MESD: variants seen among roughly 807,000 people sequenced by gnomAD.
MESD encodes the protein LRP chaperone MESD.
MESD carries 7 observed loss-of-function variants against 12.9 expected under a neutral mutation model. That is an observed-to-expected ratio of 0.54 (90% CI 0.31 to 1.02). The LOEUF (loss-of-function observed/expected upper bound fraction) is 1.02, where lower values mean the gene tolerates loss of function less well. Ranked by LOEUF, MESD falls within the 50% of genes least tolerant of loss-of-function variation. The pLI, the probability that MESD is intolerant of heterozygous loss-of-function variation, is 0.05. For missense variants in MESD, 342 were observed against 296.7 expected (o/e 1.15, Z -1.12); for synonymous variants, 126 against 115.6 (o/e 1.09, Z -0.58).
exon 5 of MESD, chr15:80,948,610 C>A: frequency 1.3e-6 from 1 of 763,308 alleles, no homozygotes; most frequent in Admixed American, 2.0e-5. Context: ...CCCTGCCTGC[C>A]CCATACAAAC....
intron 3 of MESD, among the ~76,000 whole-genome samples, chr15:80,962,492 T>C (rs1281052948): frequency 1.3e-5 from 2 of 152,122 alleles, no homozygotes; most frequent in Admixed American, 6.6e-5. Context: ...GCAGACCTAA[T>C]AGACATCTAC....
intron 3 of MESD, among the ~76,000 whole-genome samples, chr15:80,964,217 T>C (rs1329809430): frequency 6.6e-6 from 1 of 152,062 alleles, no homozygotes; most frequent in African/African-American, 2.4e-5. Flanking sequence ...ATGAGTGAAC[T>C]CCCATTCACA....
At chr15:80,962,426 G>C (rs1173248679) in intron 3 of MESD, among the ~76,000 whole-genome samples, 2 of 152,042 alleles carry the variant, frequency 1.3e-5, no homozygotes, top group Non-Finnish European at 2.9e-5. Flanking sequence ...ATATTAGACA[G>C]ATCGAGACAG....
chr15:80,949,653 A>T (rs1596218742), intron 4 of MESD: 1 of 157,706 alleles, frequency 6.3e-6, no homozygotes, highest in East Asian at 1.9e-4. Context: ...GCCCCAGCGC[A>T]CACGGGATGG....
chr15:80,948,696 C>A, exon 5 of MESD: 1 of 1,510,572 alleles, frequency 6.6e-7, no homozygotes, highest in Non-Finnish European at 9.2e-7. Context: ...TAGGCGGTAC[C>A]TGGTGGGCGT....
At chr15:80,987,774 C>A (rs1902774611) in intron 1 of MESD, among the ~76,000 whole-genome samples, 1 of 148,770 alleles carries the variant, frequency 6.7e-6, no homozygotes, top group Non-Finnish European at 1.5e-5. Context: ...CAGGCGTGAG[C>A]CACTGCGCCC....
At chr15:80,989,365 G>A (rs908785054) in intron 1 of MESD, among the ~76,000 whole-genome samples, 2 of 152,192 alleles carry the variant, frequency 1.3e-5, no homozygotes, top group Non-Finnish European at 2.9e-5. Context: ...ACAGGGCACT[G>A]GAATGACAGA....
Position 80,987,657 on chromosome 15 carries a change from T to G in MESD, c.213+1922A>C, listed in dbSNP as rs974917072. Among the ~76,000 whole-genome samples the G allele has an allele frequency of 8.5e-5, 13 of 152,206 alleles. No individual in the cohort carries two copies. In the Middle Eastern group the frequency reaches 0.01, roughly 119 times the overall value. On this transcript the variant is annotated intron_variant, in intron 1 of 2. Coordinates refer to ENST00000261758, the MANE Select transcript of MESD (RefSeq NM_015154.3). The stretch of plus-strand genomic sequence containing the variant: ...GTGCCCGCCACCATGCCCAACTAAT[T>G]TTTTTATTTTTAGTAGAGATGGAGT...
intron 3 of MESD, among the ~76,000 whole-genome samples, chr15:80,958,066 T>G (rs1356182866): frequency 6.6e-6 from 1 of 152,212 alleles, no homozygotes; most frequent in Non-Finnish European, 1.5e-5. Context: ...CTTCTTGATT[T>G]CCTCAAATTA....
intron 1 of MESD, among the ~76,000 whole-genome samples, chr15:80,984,549 C>G (rs1902677766): frequency 6.6e-6 from 1 of 152,206 alleles, no homozygotes; most frequent in African/African-American, 2.4e-5. Context: ...ATGGATAAAT[C>G]TGTTGAGACA....
At chr15:80,987,218 C>A (rs556071937) in intron 1 of MESD, among the ~76,000 whole-genome samples, 65 of 152,296 alleles carry the variant, frequency 4.3e-4, no homozygotes, top group African/African-American at 1.5e-3. Context: ...GTTTCTCACA[C>A]TGCTGGGGAA....
chr15:80,966,247 G>A (rs776140473), intron 3 of MESD, among the ~76,000 whole-genome samples: 7 of 151,714 alleles, frequency 4.6e-5, no homozygotes, highest in Admixed American at 1.3e-4. Flanking sequence ...TGGGGATTTA[G>A]CCTAATGAAA....
At chr15:80,973,656 T>C (rs1902339691), downstream of MESD, among the ~76,000 whole-genome samples, 1 of 152,180 alleles carries the variant, frequency 6.6e-6, no homozygotes, top group Non-Finnish European at 1.5e-5. Flanking sequence ...AGGTGGTGAA[T>C]CTGCCCCTGG....
exon 5 of MESD, chr15:80,948,379 G>A (rs908003535): frequency 3.1e-6 from 1 of 318,570 alleles, no homozygotes; most frequent in Admixed American, 4.0e-5. Flanking sequence ...GATAGAGTGG[G>A]GAAGGAGATC....
chr15:80,959,651 C>A (rs1000309006), intron 3 of MESD, among the ~76,000 whole-genome samples: 3 of 152,182 alleles, frequency 2.0e-5, no homozygotes, highest in African/African-American at 7.2e-5. Context: ...TCTACCATAA[C>A]ATAAATTATT....
intron 2 of MESD, among the ~76,000 whole-genome samples, chr15:80,980,265 T>C (rs1366617772): frequency 6.6e-6 from 1 of 152,248 alleles, no homozygotes; most frequent in African/African-American, 2.4e-5. Context: ...GGACACTCTC[T>C]AAGTACTCCT....
intron 3 of MESD, among the ~76,000 whole-genome samples, chr15:80,961,698 G>T (rs1902090071): frequency 6.6e-6 from 1 of 152,186 alleles, no homozygotes; most frequent in African/African-American, 2.4e-5. Context: ...GATGAAAACT[G>T]TAAAACAACC....
chr15:80,978,800 A>T lies in MESD; in HGVS notation c.*419T>A. 1 of 169,166 alleles carries T rather than the reference A, an allele frequency of 5.9e-6. No homozygotes were observed. Among genetic ancestry groups the T allele is most frequent in the Non-Finnish European group, 1.3e-5 (1 of 79,442 alleles). 10.5% of individuals were successfully genotyped at this position (169,166 alleles called of 1,614,324 possible). A position where few individuals can be genotyped will look rare whatever the true frequency, so the allele number is the denominator to read the frequency against. Reference sequence around the variant, plus strand: ...AATGAAAATGATGTATATGGCATGAAGAGTTTACTCAATTAAGTCAAGAGT... The same window carrying T: ...AATGAAAATGATGTATATGGCATGATGAGTTTACTCAATTAAGTCAAGAGT... On this transcript the variant is annotated 3_prime_UTR_variant, in exon 3 of 3. Transcript: ENST00000261758.
chr15:80,989,479 T>A (rs1216217129), intron 1 of MESD, 100 bp downstream of exon 1: 1 of 1,343,910 alleles, frequency 7.4e-7, no homozygotes, highest in African/African-American at 1.5e-5. Flanking sequence ...GTAGAGGAGG[T>A]TAGGGGGTCA....
Sources: allele counts gnomAD v4.1 joint callset (sites outside exome capture counted in the v4.1 genomes callset), GRCh38; gene constraint gnomAD v4.1.1; transcripts MANE v1.5; gene names NCBI Gene and HGNC (gene_info 2026-07-23, HGNC 2026-07-21).